CHSY3: variants seen among roughly 807,000 people sequenced by gnomAD.
The protein encoded by CHSY3 is chondroitin sulfate synthase 3.
CHSY3 carries 35 observed loss-of-function variants against 67.2 expected under a neutral mutation model. The ratio of observed to expected loss-of-function variants is 0.52; its 90% CI spans 0.40 to 0.69. CHSY3 has a LOEUF of 0.69. CHSY3 is among the 30% of genes least tolerant of loss of function. The pLI is 0.00. For missense variants in CHSY3, 1,069 were observed against 1,138.5 expected (o/e 0.94, Z 0.88); for synonymous variants, 474 against 434.7 (o/e 1.09, Z -1.12).
intron 2 of CHSY3, among the ~76,000 whole-genome samples, chr5:130,069,062 A>G (rs1561522111): frequency 6.6e-6 from 1 of 152,084 alleles, no homozygotes; most frequent in African/African-American, 2.4e-5. Flanking sequence ...CCAGGGTTCA[A>G]TTACCTGTAA....
chr5:130,097,012 T>G (rs1337400107), intron 2 of CHSY3, among the ~76,000 whole-genome samples: 2 of 152,280 alleles, frequency 1.3e-5, no homozygotes, highest in Non-Finnish European at 2.9e-5. Flanking sequence ...TGCTTCCAAG[T>G]GTCTAATTTG....
Position 130,185,818 on chromosome 5 carries a change from T to C in CHSY3, c.*27T>C. 6.9e-7 allele frequency: 1 copy of C among 1,455,182 alleles called. No homozygotes were observed. 90.1% of individuals were successfully genotyped at this position (1,455,182 alleles called of 1,614,324 possible). A position where few individuals can be genotyped will look rare whatever the true frequency, so the allele number is the denominator to read the frequency against. On this transcript the variant is annotated 3_prime_UTR_variant, in exon 3 of 3. Transcript: ENST00000305031. The stretch of plus-strand genomic sequence containing the variant: ...AGTCCAGGCAACACATTTTGCCTTT[T>C]TTAAGGGGAGTTTACCTCATTGTTG...
intron 2 of CHSY3, among the ~76,000 whole-genome samples, chr5:129,919,401 A>T (rs1010436951): frequency 2.6e-5 from 4 of 152,210 alleles, no homozygotes; most frequent in Non-Finnish European, 5.9e-5. Context: ...TTGGTGTATT[A>T]GTCTTTTCTC....
chr5:130,107,011 C>A (rs1767430860), intron 2 of CHSY3, among the ~76,000 whole-genome samples: 1 of 151,392 alleles, frequency 6.6e-6, no homozygotes, highest in South Asian at 2.1e-4. Context: ...CATTTTGTCA[C>A]TGTAAGTCTC....
chr5:129,963,941 C>T (rs992801023), intron 2 of CHSY3, among the ~76,000 whole-genome samples: 3 of 151,806 alleles, frequency 2.0e-5, no homozygotes, highest in African/African-American at 4.8e-5. Context: ...TGTGTGTGCA[C>T]ATGTCCTGTA....
At chr5:130,044,948 G>T (rs535649548) in intron 2 of CHSY3, among the ~76,000 whole-genome samples, 1 of 152,022 alleles carries the variant, frequency 6.6e-6, no homozygotes, top group African/African-American at 2.4e-5. Context: ...AAAAAATGGC[G>T]GCTAGCATAC....
At chr5:129,967,119 T>G (rs1017579586) in intron 2 of CHSY3, among the ~76,000 whole-genome samples, 4 of 151,818 alleles carry the variant, frequency 2.6e-5, no homozygotes, top group Non-Finnish European at 5.9e-5. Context: ...CTTAACTGGC[T>G]TCAGTATCTT....
intron 2 of CHSY3, among the ~76,000 whole-genome samples, chr5:130,073,161 C>A (rs556988981): frequency 4.6e-5 from 7 of 150,922 alleles, no homozygotes; most frequent in Admixed American, 2.0e-4. Flanking sequence ...TGTACTCATG[C>A]AAAAAAAATA....
At chr5:130,066,788 A>C (rs1765898298) in intron 2 of CHSY3, among the ~76,000 whole-genome samples, 1 of 152,150 alleles carries the variant, frequency 6.6e-6, no homozygotes, top group Admixed American at 6.6e-5. Context: ...AGGACCAGCC[A>C]GGGAACACAA....
chr5:129,972,455 A>G (rs1762670261), intron 2 of CHSY3, among the ~76,000 whole-genome samples: 1 of 152,062 alleles, frequency 6.6e-6, no homozygotes, highest in Non-Finnish European at 1.5e-5. Flanking sequence ...TATGCTATAT[A>G]TGTCTATACA....
At chr5:130,080,239 C>T (rs1275521923) in intron 2 of CHSY3, among the ~76,000 whole-genome samples, 1 of 152,060 alleles carries the variant, frequency 6.6e-6, no homozygotes, top group East Asian at 1.9e-4. Flanking sequence ...CCAATACACA[C>T]TTTCATTATA....
chr5:130,139,763 G>A (rs1768795828), intron 2 of CHSY3, among the ~76,000 whole-genome samples: 1 of 152,078 alleles, frequency 6.6e-6, no homozygotes, highest in African/African-American at 2.4e-5. Context: ...TATTTTTAAA[G>A]CTTCTACAAT....
In CHSY3 at chr5:129,933,904, T is replaced by A. The variant is rs971581192; in HGVS notation, c.1086+25544T>A. Among the ~76,000 whole-genome samples, 5 of 152,176 alleles carry A rather than the reference T, an allele frequency of 3.3e-5. No homozygotes were observed. The East Asian group carries it at 9.6e-4, about 29-fold the overall frequency. ...AATTTTGAAACTCTTGAACACCAGC[T>A]GTTAACACTTTTTCTTGATGTTCAT... On this transcript the variant is annotated intron_variant, in intron 2 of 2. Transcript: ENST00000305031.
chr5:130,037,219 C>A (rs886428858), intron 2 of CHSY3, among the ~76,000 whole-genome samples: 1 of 151,988 alleles, frequency 6.6e-6, no homozygotes, highest in Non-Finnish European at 1.5e-5. Flanking sequence ...AAAAAATTAG[C>A]CCAGAAATTA....
At chr5:129,943,296 G>A (rs990239411) in intron 2 of CHSY3, among the ~76,000 whole-genome samples, 1 of 152,114 alleles carries the variant, frequency 6.6e-6, no homozygotes, top group African/African-American at 2.4e-5. Flanking sequence ...GAAAACTGCT[G>A]GAGGAATTGA....
rs79262197 is a variant in CHSY3, at chr5:130,173,208, A to C, written c.1087-11021A>C. ...ACACGTTTTCAACACTGCTACTAAT[A>C]CATTTGGGGAGGGATTTCCTTCAAA... is the stretch of plus-strand genomic sequence containing the variant. On this transcript the variant is annotated intron_variant, in intron 2 of 2. Transcript: ENST00000305031. 7.8e-3 allele frequency among the ~76,000 whole-genome samples: 1,184 copies of C among 152,264 alleles called. 5 individuals carry two copies. Among genetic ancestry groups the C allele is most frequent in the Non-Finnish European group, 0.011 (744 of 68,000 alleles).
At chr5:130,095,489 A>T (rs7723010) in intron 2 of CHSY3, among the ~76,000 whole-genome samples, 63,539 of 152,132 alleles carry the variant, frequency 0.42, 13,417 homozygotes, top group South Asian at 0.46. Context: ...ATAGTGGATT[A>T]TACTCCAAAG....
chr5:129,967,155 C>G (rs1762492095), intron 2 of CHSY3, among the ~76,000 whole-genome samples: 1 of 151,766 alleles, frequency 6.6e-6, no homozygotes, highest in African/African-American at 2.4e-5. Flanking sequence ...ATGTACCTAT[C>G]TCATAGACTC....
At chr5:129,950,871 AT>A (rs1762004218) in intron 2 of CHSY3, among the ~76,000 whole-genome samples, 1 of 152,206 alleles carries the variant, frequency 6.6e-6, no homozygotes, top group Admixed American at 6.6e-5. Context: ...CAAAATTCCA[AT>A]AGCATTTTTC....
Sources: allele counts gnomAD v4.1 joint callset (sites outside exome capture counted in the v4.1 genomes callset), GRCh38; gene constraint gnomAD v4.1.1; transcripts MANE v1.5; gene names NCBI Gene and HGNC (gene_info 2026-07-23, HGNC 2026-07-21).